Variants in PARD3B observed in about 807,000 individuals in gnomAD.
PARD3B encodes the protein partitioning defective 3 homolog B.
PARD3B carries 103 observed loss-of-function variants against 130.2 expected under a neutral mutation model. That is an observed-to-expected ratio of 0.79 (90% CI 0.67 to 0.93). PARD3B has a LOEUF of 0.93. Among genes scored for constraint, PARD3B ranks in the 40% least tolerant of loss-of-function variants. The probability of loss-of-function intolerance (pLI) is 0.00; values close to 1 mark genes in which losing one functional copy is unlikely to be tolerated. For synonymous variants in PARD3B, 583 were observed against 553.2 expected (o/e 1.05, Z -0.76); for missense variants, 1,609 against 1,499.2 (o/e 1.07, Z -1.21).
chr2:205,101,461 G>C (rs557223786), intron 4 of PARD3B, among the ~76,000 whole-genome samples: 1 of 152,130 alleles, frequency 6.6e-6, no homozygotes, highest in African/African-American at 2.4e-5. Context: ...CAGACATGTG[G>C]GAAATAGTGC....
At chr2:205,459,007 G>A (rs953077080) in intron 20 of PARD3B, among the ~76,000 whole-genome samples, 1 of 152,080 alleles carries the variant, frequency 6.6e-6, no homozygotes, top group African/African-American at 2.4e-5. Context: ...TGTTGTTTAC[G>A]AGTCCCTTCT....
chr2:205,123,823 T>C (rs1457724790), intron 8 of PARD3B, among the ~76,000 whole-genome samples: 1 of 151,714 alleles, frequency 6.6e-6, no homozygotes, highest in African/African-American at 2.4e-5. Context: ...GAAAAATACA[T>C]GAGAAGGGAG....
chr2:205,180,803 A>C (rs1395752915), intron 13 of PARD3B, among the ~76,000 whole-genome samples: 7 of 152,170 alleles, frequency 4.6e-5, no homozygotes, highest in Admixed American at 4.6e-4. Flanking sequence ...TTTGTACTGA[A>C]GAATTGCTAG....
chr2:205,291,648 G>A lies in PARD3B; in HGVS notation c.2186-8882G>A, dbSNP rs2041611359. Among the ~76,000 whole-genome samples, 1 of 152,166 alleles carries A rather than the reference G, an allele frequency of 6.6e-6. No homozygotes were observed. Among genetic ancestry groups the A allele is most frequent in the African/African-American group, 2.4e-5 (1 of 41,436 alleles). On this transcript the variant is annotated intron_variant, in intron 16 of 22. Coordinates refer to ENST00000406610, the MANE Select transcript of PARD3B (RefSeq NM_001302769.2). The surrounding 1 kb of genome is among the most constrained non-coding windows in gnomAD (Gnocchi z 4.6). Reference sequence around the variant, plus strand: ...GTAGATAGTTTGTTTGAACCCATAGGCACAGCCTGGCTTTTTCTGACTGCT... The same window carrying A: ...GTAGATAGTTTGTTTGAACCCATAGACACAGCCTGGCTTTTTCTGACTGCT...
At chr2:204,979,543 A>C (rs1282306365) in intron 3 of PARD3B, among the ~76,000 whole-genome samples, 4 of 152,220 alleles carry the variant, frequency 2.6e-5, no homozygotes, top group South Asian at 2.1e-4. Context: ...GCCACTACTC[A>C]CCAGACAATA....
rs772607537 is a variant in PARD3B at position 205,502,225 on chromosome 2, G to T, written c.3180+2194G>T. ...ACTGTTGTCTTGCCACTTTTGGAGA[G>T]ATCTAGGAAAGCAAGTTAAGAAAGT... On this transcript the variant is annotated intron_variant, in intron 21 of 22. Transcript: ENST00000406610. Among the ~76,000 whole-genome samples the T allele has an allele frequency of 1.3e-5, 2 of 152,190 alleles. 1 individual carries two copies. The highest frequency in any genetic ancestry group is 2.9e-5 in the Non-Finnish European group (2 of 68,028).
intron 20 of PARD3B, among the ~76,000 whole-genome samples, chr2:205,477,259 T>C (rs2049055433): frequency 6.6e-6 from 1 of 152,236 alleles, no homozygotes; most frequent in Non-Finnish European, 1.5e-5. Flanking sequence ...ACAAGGACTC[T>C]GAATGTGGCT....
intron 3 of PARD3B, among the ~76,000 whole-genome samples, chr2:204,966,810 G>C (rs2125858332): frequency 6.6e-6 from 1 of 152,228 alleles, no homozygotes; most frequent in South Asian, 2.1e-4. Flanking sequence ...TTTTTGATAA[G>C]TCAGAGAAAA....
rs987260274 is a variant in PARD3B at position 205,142,971 on chromosome 2, A to G, written c.1435-15751A>G. Among the ~76,000 whole-genome samples the G allele has an allele frequency of 6.6e-5, 10 of 152,208 alleles. No homozygotes were observed. The highest frequency in any genetic ancestry group is 1.0e-4 in the Non-Finnish European group (7 of 68,036). ...ATGCGAATCATCAGAATGGGAAAACATAAGTGAAATGGGAGCTGCGAGAAG... is the reference window on the plus strand; with the variant it reads ...ATGCGAATCATCAGAATGGGAAAACGTAAGTGAAATGGGAGCTGCGAGAAG... On this transcript the variant is annotated intron_variant, in intron 10 of 22. Coordinates refer to ENST00000406610, the MANE Select transcript of PARD3B (RefSeq NM_001302769.2). This position sits in a 1 kb window ranked among gnomAD's most constrained non-coding sequence, Gnocchi z 4.3.
intron 2 of PARD3B, among the ~76,000 whole-genome samples, chr2:204,745,114 T>C (rs2040160640): frequency 6.6e-6 from 1 of 152,052 alleles, no homozygotes; most frequent in African/African-American, 2.4e-5. Context: ...TCACACTTAG[T>C]GATAGAAAGA....
intron 1 of PARD3B, among the ~76,000 whole-genome samples, chr2:204,656,747 A>G (rs942911611): frequency 6.6e-6 from 1 of 152,140 alleles, no homozygotes; most frequent in East Asian, 1.9e-4. Context: ...ATTTTTTCAC[A>G]GTATCTGTCA....
chr2:204,616,699 A>G (rs1362257499), intron 1 of PARD3B, among the ~76,000 whole-genome samples: 1 of 152,222 alleles, frequency 6.6e-6, no homozygotes, highest in East Asian at 1.9e-4. Context: ...CATAATGGCC[A>G]AAACTTGGAA....
Position 205,591,459 on chromosome 2 carries a change from C to A in PARD3B, c.3261-23997C>A, listed in dbSNP as rs2054383106. Among the ~76,000 whole-genome samples the A allele has an allele frequency of 6.6e-6, 1 of 152,196 alleles. No homozygotes were observed. The highest frequency in any genetic ancestry group is 1.5e-5 in the Non-Finnish European group (1 of 68,038). ...ACTGCCTACCATTATCAGTCACTTA[C>A]CACACCCATGCACCATGCTGAGTGC... On this transcript the variant is annotated intron_variant, in intron 22 of 22. Transcript: ENST00000406610. The surrounding 1 kb of genome is among the most constrained non-coding windows in gnomAD (Gnocchi z 4.2).
intron 4 of PARD3B, among the ~76,000 whole-genome samples, chr2:205,087,574 C>A (rs1025835856): frequency 6.6e-6 from 1 of 151,922 alleles, no homozygotes; most frequent in African/African-American, 2.4e-5. Flanking sequence ...TTTATAAAAC[C>A]TGTTTTTGTA....
At chr2:205,094,090 C>T (rs1164986075) in intron 4 of PARD3B, among the ~76,000 whole-genome samples, 1 of 152,174 alleles carries the variant, frequency 6.6e-6, no homozygotes, top group Non-Finnish European at 1.5e-5. Flanking sequence ...CCTCCTTCTT[C>T]ACATAAGTCA....
intron 20 of PARD3B, among the ~76,000 whole-genome samples, chr2:205,488,271 T>C (rs1470084910): frequency 6.6e-6 from 1 of 151,756 alleles, no homozygotes; most frequent in Non-Finnish European, 1.5e-5. Flanking sequence ...GCGGGGGGTG[T>C]TGGGGGTTGG....
intron 4 of PARD3B, among the ~76,000 whole-genome samples, chr2:205,076,802 T>C (rs1575715614): frequency 6.6e-6 from 1 of 152,130 alleles, no homozygotes; most frequent in African/African-American, 2.4e-5. Context: ...TCCATGAAAC[T>C]GGTCCCTGGT....
intron 2 of PARD3B, among the ~76,000 whole-genome samples, chr2:204,925,268 G>A (rs1248561372): frequency 6.6e-6 from 1 of 152,022 alleles, no homozygotes; most frequent in East Asian, 1.9e-4. Flanking sequence ...GACTCAAGGA[G>A]GAATTTTATC....
At chr2:204,898,038 T>A (rs2046707085) in intron 2 of PARD3B, among the ~76,000 whole-genome samples, 1 of 151,980 alleles carries the variant, frequency 6.6e-6, no homozygotes, top group Non-Finnish European at 1.5e-5. Context: ...TTGGTGCACA[T>A]GTTATAAATG....
Sources: allele counts gnomAD v4.1 joint callset (sites outside exome capture counted in the v4.1 genomes callset), GRCh38; gene constraint gnomAD v4.1.1; non-coding constraint Gnocchi (gnomAD v3.1); transcripts MANE v1.5; gene names NCBI Gene and HGNC (gene_info 2026-07-23, HGNC 2026-07-21).